CSMD3: variants seen among roughly 807,000 people sequenced by gnomAD.
The protein encoded by CSMD3 is CUB and Sushi multiple domains 3, also known as CUB and sushi domain-containing protein 3.
CSMD3 carries 177 observed loss-of-function variants against 435.2 expected under a neutral mutation model. The ratio of observed to expected loss-of-function variants is 0.41; its 90% CI spans 0.36 to 0.46. The LOEUF (loss-of-function observed/expected upper bound fraction) is 0.46. Ranked by LOEUF, CSMD3 falls within the 20% of genes least tolerant of loss-of-function variation. The pLI is 0.34. For missense variants in CSMD3, 4,265 were observed against 4,504.6 expected, an observed-to-expected ratio of 0.95 and a Z score of 1.52; for synonymous variants, 1,656 against 1,520.5, an observed-to-expected ratio of 1.09 and a Z score of -2.07.
In CSMD3 at chr8:112,409,161, A is replaced by G. The variant is rs577557421; in HGVS notation, c.5396-129T>C. 12 of 1,501,538 alleles carry G rather than the reference A, an allele frequency of 8.0e-6. No homozygotes were observed. The Admixed American group carries it at 2.3e-4, about 29-fold the overall frequency. 93.0% of individuals were successfully genotyped at this position (1,501,538 alleles called of 1,614,324 possible). On this transcript the variant is annotated intron_variant, in intron 32 of 70. Transcript: ENST00000297405. ...ACAATATAATAGTCATTTTTTTTCT[A>G]CCTAAAAGAGGATAGGTGCCAATTG...
chr8:112,637,562 C>T (rs1250883598), intron 21 of CSMD3, among the ~76,000 whole-genome samples: 2 of 151,990 alleles, frequency 1.3e-5, no homozygotes, highest in Non-Finnish European at 2.9e-5. Flanking sequence ...TGGATTTTTA[C>T]AGGAAGTTTT....
At chr8:112,486,381 G>A (rs1820137357) in intron 31 of CSMD3, among the ~76,000 whole-genome samples, 1 of 151,958 alleles carries the variant, frequency 6.6e-6, no homozygotes, top group African/African-American at 2.4e-5. Context: ...TTGAACTAGT[G>A]GATGAACCTC....
chr8:112,428,423 G>GA (rs1813306030), intron 32 of CSMD3, among the ~76,000 whole-genome samples: 1 of 151,948 alleles, frequency 6.6e-6, no homozygotes, highest in Non-Finnish European at 1.5e-5. Flanking sequence ...ATGATCTGGG[G>GA]AAAAAAACAA....
intron 22 of CSMD3, among the ~76,000 whole-genome samples, chr8:112,606,129 A>T (rs1832771598): frequency 6.6e-6 from 1 of 152,202 alleles, no homozygotes; most frequent in African/African-American, 2.4e-5. Context: ...CTGTGGCATC[A>T]TAAAATCCAA....
At chr8:112,692,829 A>G (rs1237686822) in intron 13 of CSMD3, among the ~76,000 whole-genome samples, 1 of 152,142 alleles carries the variant, frequency 6.6e-6, no homozygotes, top group Non-Finnish European at 1.5e-5. Flanking sequence ...AACTTTTATG[A>G]CAGTATATTA....
In CSMD3 at chr8:112,761,475, A is replaced by G. The variant is rs147838653; in HGVS notation, c.1972+38687T>C. Among the ~76,000 whole-genome samples, 1,059 of 152,212 alleles carry G rather than the reference A, an allele frequency of 7.0e-3. 17 individuals carry two copies. Among genetic ancestry groups the G allele is most frequent in the African/African-American group, 0.024 (995 of 41,558 alleles). ...CTAGGATCTATCTATACCAGAGATA[A>G]AATATCCTGTAAATATTTTTCATGA... On this transcript the variant is annotated intron_variant, in intron 13 of 70. Transcript: ENST00000297405.
chr8:112,433,519 T>C (rs1359865194), intron 32 of CSMD3, among the ~76,000 whole-genome samples: 1 of 151,454 alleles, frequency 6.6e-6, no homozygotes, highest in East Asian at 1.9e-4. Flanking sequence ...TTAGCTGATA[T>C]GGTGACGCAT....
intron 13 of CSMD3, among the ~76,000 whole-genome samples, chr8:112,696,458 AAAAC>A (rs1186745024): frequency 1.3e-5 from 2 of 152,158 alleles, no homozygotes; most frequent in African/African-American, 4.8e-5. Context: ...AAACCTGAGA[AAAAC>A]AAGCAATGGG....
At chr8:113,407,308 A>G (rs1480718295) in intron 1 of CSMD3, among the ~76,000 whole-genome samples, 2 of 152,176 alleles carry the variant, frequency 1.3e-5, no homozygotes, top group Admixed American at 6.5e-5. Flanking sequence ...CTGGCAAGTA[A>G]TAAGTCATCA....
At chr8:112,410,492 C>A (rs957140187) in intron 32 of CSMD3, among the ~76,000 whole-genome samples, 4 of 80,382 alleles carry the variant, frequency 5.0e-5, no homozygotes, top group Admixed American at 1.4e-4. Flanking sequence ...CCAAAATACT[C>A]CAAATATATA....
At chr8:113,269,189 C>G (rs533836924) in intron 3 of CSMD3, among the ~76,000 whole-genome samples, 1 of 152,006 alleles carries the variant, frequency 6.6e-6, no homozygotes, top group South Asian at 2.1e-4. Flanking sequence ...ACCCAAATCA[C>G]GGGTAAACTC....
intron 64 of CSMD3, among the ~76,000 whole-genome samples, chr8:112,245,669 C>A (rs1814655593): frequency 6.6e-6 from 1 of 152,110 alleles, no homozygotes; most frequent in East Asian, 1.9e-4. Context: ...TCCTGAGGAG[C>A]TGGGACTACA....
At chr8:113,149,157 T>C (rs1431715335) in intron 4 of CSMD3, among the ~76,000 whole-genome samples, 1 of 151,828 alleles carries the variant, frequency 6.6e-6, no homozygotes, top group African/African-American at 2.4e-5. Context: ...AAATTTTCCA[T>C]TAAATTTAAA....
chr8:112,468,379 C>T (rs73702887), intron 32 of CSMD3, among the ~76,000 whole-genome samples: 2,645 of 151,922 alleles, frequency 0.017, 79 homozygotes, highest in African/African-American at 0.06. Flanking sequence ...CCAAACATTA[C>T]CTGCTGATTT....
chr8:112,837,824 C>T (rs2080071808), intron 11 of CSMD3, among the ~76,000 whole-genome samples: 3 of 151,612 alleles, frequency 2.0e-5, no homozygotes, highest in Admixed American at 6.6e-5. Context: ...CTAATATTAA[C>T]AATTATTTTT....
chr8:113,341,596 G>GCTATAA (rs2094119140), intron 1 of CSMD3, among the ~76,000 whole-genome samples: 1 of 152,030 alleles, frequency 6.6e-6, no homozygotes, highest in Admixed American at 6.6e-5. Context: ...TATGAGACAT[G>GCTATAA]CTATAATAGG....
At chr8:113,217,881 A>T (rs2092923486) in intron 3 of CSMD3, among the ~76,000 whole-genome samples, 1 of 151,304 alleles carries the variant, frequency 6.6e-6, no homozygotes, top group Non-Finnish European at 1.5e-5. Context: ...CTCCAATAGG[A>T]TGAAAAAAAC....
intron 32 of CSMD3, among the ~76,000 whole-genome samples, chr8:112,454,312 C>T (rs1487161753): frequency 6.6e-6 from 1 of 152,102 alleles, no homozygotes; most frequent in East Asian, 1.9e-4. Context: ...AAACAATCAA[C>T]AGAGTACACA....
chr8:112,440,432 T>G (rs1439969577), intron 32 of CSMD3, among the ~76,000 whole-genome samples: 1 of 152,102 alleles, frequency 6.6e-6, no homozygotes, highest in Non-Finnish European at 1.5e-5. Context: ...CCATGGCTTC[T>G]CCAGGCCCAC....
Sources: gnomAD v4.1 joint callset for allele counts (sites outside exome capture counted in the v4.1 genomes callset) on GRCh38, gnomAD v4.1.1 for gene constraint, MANE v1.5 for transcripts, NCBI Gene and HGNC (gene_info 2026-07-23, HGNC 2026-07-21) for gene names.